Variants in MGAT4C observed in about 807,000 individuals in gnomAD.
MGAT4C encodes the protein alpha-1,3-mannosyl-glycoprotein 4-beta-N-acetylglucosaminyltransferase C.
A neutral mutation model predicts 40.1 loss-of-function variants in MGAT4C; 19 were observed. The ratio of observed to expected loss-of-function variants is 0.47; its 90% CI spans 0.33 to 0.70. The LOEUF (loss-of-function observed/expected upper bound fraction) is 0.70, where lower values mean the gene tolerates loss of function less well. Ranked by LOEUF, MGAT4C falls within the 30% of genes least tolerant of loss-of-function variation. The pLI is 0.02. For synonymous variants in MGAT4C, 181 were observed against 187.1 expected, an observed-to-expected ratio of 0.97 and a Z score of 0.27; for missense variants, 491 against 563.2, an observed-to-expected ratio of 0.87 and a Z score of 1.30.
chr12:86,805,789 A>T (rs2136209659), intron 1 of MGAT4C, among the ~76,000 whole-genome samples: 1 of 152,154 alleles, frequency 6.6e-6, no homozygotes, highest in African/African-American at 2.4e-5. Flanking sequence ...TTATTTAAGA[A>T]ATCTCTGAAC....
At chr12:86,682,032 A>G (rs1313906025) in intron 2 of MGAT4C, among the ~76,000 whole-genome samples, 7 of 151,990 alleles carry the variant, frequency 4.6e-5, no homozygotes, top group Non-Finnish European at 1.0e-4. Context: ...GAGCACCCCA[A>G]AGTAATCTCC....
intron 2 of MGAT4C, among the ~76,000 whole-genome samples, chr12:86,655,018 T>C (rs1963807925): frequency 1.3e-5 from 2 of 152,190 alleles, no homozygotes; most frequent in South Asian, 2.1e-4. Flanking sequence ...TCTTGACTTA[T>C]ACGTGTCTTG....
At chr12:86,513,890 CA>C (rs1268153134) in intron 2 of MGAT4C, among the ~76,000 whole-genome samples, 2 of 152,126 alleles carry the variant, frequency 1.3e-5, no homozygotes, top group African/African-American at 2.4e-5. Context: ...AACAGTTCCA[CA>C]AACAAGGTAG....
chr12:86,077,474 A>C (rs753511977), intron 1 of MGAT4C, among the ~76,000 whole-genome samples: 30 of 152,236 alleles, frequency 2.0e-4, no homozygotes, highest in Non-Finnish European at 4.3e-4. Flanking sequence ...ATGCACAAAG[A>C]TGTTTTTAAC....
At chr12:86,218,306 G>T (rs908400888) in intron 1 of MGAT4C, among the ~76,000 whole-genome samples, 3 of 152,092 alleles carry the variant, frequency 2.0e-5, no homozygotes, top group African/African-American at 7.2e-5. Flanking sequence ...TTTTCACAGT[G>T]ACCTGTAATA....
chr12:86,383,697 T>C (rs1955997401), intron 3 of MGAT4C, among the ~76,000 whole-genome samples: 1 of 152,188 alleles, frequency 6.6e-6, no homozygotes, highest in South Asian at 2.1e-4. Context: ...ATCCTCATTG[T>C]ATCCAGAAAG....
chr12:86,669,671 G>A (rs769878072), intron 2 of MGAT4C, among the ~76,000 whole-genome samples: 3 of 152,250 alleles, frequency 2.0e-5, no homozygotes, highest in Non-Finnish European at 4.4e-5. Context: ...GGCCAGTTTG[G>A]CCCTGCCTAT....
At chr12:86,808,389 T>C (rs1239785375) in intron 1 of MGAT4C, among the ~76,000 whole-genome samples, 1 of 152,092 alleles carries the variant, frequency 6.6e-6, no homozygotes, top group East Asian at 1.9e-4. Flanking sequence ...AATAAAATAC[T>C]GGAAAACCAA....
At chr12:86,194,178 CA>C (rs1246045619) in intron 1 of MGAT4C, among the ~76,000 whole-genome samples, 1 of 152,140 alleles carries the variant, frequency 6.6e-6, no homozygotes, top group Non-Finnish European at 1.5e-5. Context: ...TTCATACTAT[CA>C]ATGCAAGAAG....
At chr12:86,694,297 C>T (rs1163589934) in intron 2 of MGAT4C, among the ~76,000 whole-genome samples, 1 of 151,376 alleles carries the variant, frequency 6.6e-6, no homozygotes, top group Non-Finnish European at 1.5e-5. Flanking sequence ...TTTTATATGT[C>T]CAAAATAAAT....
At chr12:86,801,973 A>G (rs1593220596) in intron 1 of MGAT4C, among the ~76,000 whole-genome samples, 1 of 151,894 alleles carries the variant, frequency 6.6e-6, no homozygotes, top group African/African-American at 2.4e-5. Flanking sequence ...TCTACCAGCC[A>G]CTAACTACAA....
At chr12:86,690,520 C>T (rs913251960) in intron 2 of MGAT4C, among the ~76,000 whole-genome samples, 4 of 152,146 alleles carry the variant, frequency 2.6e-5, no homozygotes, top group African/African-American at 4.8e-5. Context: ...CAGATAGCAA[C>T]GTCCTTCAAG....
chr12:86,710,525 T>G (rs1411314734), intron 2 of MGAT4C, among the ~76,000 whole-genome samples: 1 of 152,180 alleles, frequency 6.6e-6, no homozygotes, highest in African/African-American at 2.4e-5. Context: ...AGGTGGCATC[T>G]CATTGTGGAC....
At chr12:86,493,694 G>A (rs935857807) in intron 2 of MGAT4C, among the ~76,000 whole-genome samples, 2 of 151,856 alleles carry the variant, frequency 1.3e-5, no homozygotes, top group Non-Finnish European at 2.9e-5. Flanking sequence ...TATACCTAAT[G>A]CTATATGACG....
intron 2 of MGAT4C, among the ~76,000 whole-genome samples, chr12:86,560,616 T>C (rs924671720): frequency 6.6e-5 from 10 of 152,100 alleles, no homozygotes; most frequent in Non-Finnish European, 1.0e-4. Flanking sequence ...TCTGGGCAAA[T>C]TCAGCATAGA....
intron 1 of MGAT4C, among the ~76,000 whole-genome samples, chr12:86,226,130 CAT>C (rs1391258223): frequency 4.7e-5 from 7 of 149,014 alleles, no homozygotes; most frequent in African/African-American, 9.8e-5. Context: ...AAAAAAAAAA[CAT>C]GTGCAGTTGC....
At chr12:85,982,899 G>T (rs1884773782) in intron 4 of MGAT4C, among the ~76,000 whole-genome samples, 1 of 152,180 alleles carries the variant, frequency 6.6e-6, no homozygotes, top group African/African-American at 2.4e-5. Context: ...GGCCATTGAT[G>T]ATGGAGGCAG....
At chr12:86,603,525 CTATATATAGTCTATAGACTATAGATAATA>C (rs1961890030) in intron 2 of MGAT4C, among the ~76,000 whole-genome samples, 1 of 21,984 alleles carries the variant, frequency 4.5e-5, no homozygotes, top group Non-Finnish European at 1.2e-4. Context: ...AGTCTATAGA[CTATATATAGTCTATAGACTATAGATAATA>C]TATAGTCTAT....
chr12:85,978,179 T>C lies in MGAT4C; in HGVS notation c.*1110A>G, dbSNP rs1270576942. The stretch of plus-strand genomic sequence containing the variant: ...ACCACCTATTTCCAGATGGTATAAC[T>C]TATTATCTGACAGGCATGTAGCAAA... On this transcript the variant is annotated 3_prime_UTR_variant, in exon 5 of 5. Transcript: ENST00000611864. 1.3e-5 allele frequency: 2 copies of C among 151,648 alleles called. No homozygotes were observed. Among genetic ancestry groups the C allele is most frequent in the Non-Finnish European group, 3.0e-5 (2 of 67,672 alleles). 9.4% of individuals were successfully genotyped at this position (151,648 alleles called of 1,614,324 possible).
Sources: allele counts gnomAD v4.1 joint callset (sites outside exome capture counted in the v4.1 genomes callset), GRCh38; gene constraint gnomAD v4.1.1; transcripts MANE v1.5; gene names NCBI Gene and HGNC (gene_info 2026-07-23, HGNC 2026-07-21).